PARP4: variants seen among roughly 807,000 people sequenced by gnomAD.
The protein encoded by PARP4 is poly(ADP-ribose) polymerase family member 4, also known as protein mono-ADP-ribosyltransferase PARP4.
Under a neutral mutation model 187.7 loss-of-function variants are expected in PARP4, and 120 were observed. That is an observed-to-expected ratio of 0.64 (90% confidence interval 0.55 to 0.74). The LOEUF (loss-of-function observed/expected upper bound fraction) is 0.74. Among genes scored for constraint, PARP4 ranks in the 30% least tolerant of loss-of-function variants. The pLI is 0.00. For missense variants in PARP4, 1,836 were observed against 2,070.5 expected (o/e 0.89, Z 2.20); for synonymous variants, 654 against 740.9 (o/e 0.88, Z 1.90).
chr13:24,474,324 CTCT>C (rs1441181870), intron 15 of PARP4, among the ~76,000 whole-genome samples: 2 of 141,852 alleles, frequency 1.4e-5, no homozygotes, highest in Non-Finnish European at 1.6e-5. Context: ...CAATCGTCTC[CTCT>C]ATGTGATGTG....
chr13:24,424,733 A>G (rs1869930997), intron 33 of PARP4, among the ~76,000 whole-genome samples: 1 of 143,266 alleles, frequency 7.0e-6, no homozygotes, highest in Non-Finnish European at 1.5e-5. Flanking sequence ...GTGCAGTGGC[A>G]CGATCTTGAC....
intron 33 of PARP4, among the ~76,000 whole-genome samples, chr13:24,422,632 T>TG (rs1398997539): frequency 3.3e-5 from 5 of 152,164 alleles, no homozygotes; most frequent in Admixed American, 6.5e-5. Context: ...TTTTTTTAGA[T>TG]GGAGTCTCAC....
chr13:24,473,577 G>A (rs916990895), intron 15 of PARP4, among the ~76,000 whole-genome samples: 4 of 151,896 alleles, frequency 2.6e-5, no homozygotes, highest in East Asian at 3.9e-4. Context: ...TCCCTCCTGC[G>A]CTGACTCCCA....
At chr13:24,489,461 A>G (rs1224635371) in intron 10 of PARP4, among the ~76,000 whole-genome samples, 1 of 151,982 alleles carries the variant, frequency 6.6e-6, no homozygotes, top group East Asian at 1.9e-4. Context: ...TACAAAAATT[A>G]GCCAGGCGTG....
At chr13:24,433,623 C>G (rs1234458945) in intron 31 of PARP4, among the ~76,000 whole-genome samples, 2 of 152,174 alleles carry the variant, frequency 1.3e-5, no homozygotes, top group South Asian at 2.1e-4. Flanking sequence ...TGCACTGTCT[C>G]AAGTAGGGAA....
At position 24,447,121 on chromosome 13, in the gene PARP4, T is replaced by C. The variant is rs561720463; in HGVS notation, c.3180A>G (p.Gln1060=). The change falls in exon 26 of 34, where the codon CAA becomes CAG. Residue 1060 remains glutamine (Q), a synonymous_variant. Coordinates refer to ENST00000381989, the MANE Select transcript of PARP4 (RefSeq NM_006437.4). Reference sequence around the variant, plus strand: ...GGGCCTCGGGCACATCTGGATTGAGTTGCTGCCATTTGACGGAGACAGAGT... The same window carrying C: ...GGGCCTCGGGCACATCTGGATTGAGCTGCTGCCATTTGACGGAGACAGAGT... The part of the protein sequence containing the change: ...SCHSVSVKWQ[Q]LNPDVPEALQ... The C allele has an allele frequency of 1.1e-5, 17 of 1,613,400 alleles. No homozygotes were observed. The highest frequency in any genetic ancestry group is 6.7e-5 in the African/African-American group (5 of 75,040).
intron 20 of PARP4, among the ~76,000 whole-genome samples, chr13:24,457,439 G>C (rs933794482): frequency 1.3e-5 from 2 of 152,132 alleles, no homozygotes; most frequent in Non-Finnish European, 2.9e-5. Context: ...GGCGTGAAAA[G>C]TGTCCATGCA....
At chr13:24,493,563 T>C (rs747443244) in intron 8 of PARP4, 33 bp downstream of exon 8, 12 of 1,588,352 alleles carry the variant, frequency 7.6e-6, no homozygotes, top group Admixed American at 1.9e-5. Context: ...AGGCAGATTT[T>C]TCACATTCTG....
In PARP4 at chr13:24,501,853, A is replaced by T; in HGVS notation, c.133-19T>A. ...GTGTGCACTAAGGAAAAAAAGAGTC[A>T]ATCCATTATGCATCAAGAAAAACAA... On this transcript the variant is annotated intron_variant, in intron 2 of 33. Coordinates refer to ENST00000381989, the MANE Select transcript of PARP4 (RefSeq NM_006437.4). The T allele has an allele frequency of 2.2e-6, 3 of 1,388,194 alleles. No individual in the cohort carries two copies. Among genetic ancestry groups the T allele is most frequent in the Non-Finnish European group, 3.1e-6 (3 of 980,088 alleles). 86.0% of individuals were successfully genotyped at this position (1,388,194 alleles called of 1,614,324 possible). A position where few individuals can be genotyped will look rare whatever the true frequency, so the allele number is the denominator to read the frequency against.
At chr13:24,493,815 G>A (rs1868798070) in intron 7 of PARP4, 82 bp from the exon 8 acceptor site, 5 of 1,359,582 alleles carry the variant, frequency 3.7e-6, no homozygotes, top group Admixed American at 1.8e-5. Flanking sequence ...ACGAACAGAG[G>A]TGTGAGGAGA....
At chr13:24,477,177 G>T (rs1044894579) in intron 14 of PARP4, among the ~76,000 whole-genome samples, 3 of 152,126 alleles carry the variant, frequency 2.0e-5, no homozygotes, top group Non-Finnish European at 2.9e-5. Context: ...TGTTATGTAC[G>T]CAAGATAAAA....
At chr13:24,431,251 A>T in intron 32 of PARP4, 126 bp downstream of exon 32, 1 of 589,474 alleles carries the variant, frequency 1.7e-6, no homozygotes, top group Admixed American at 3.5e-5. Context: ...ATATAATTCC[A>T]TTCGAATATA....
chr13:24,443,495 C>T (rs1871053222), intron 28 of PARP4, among the ~76,000 whole-genome samples, 155 bp downstream of exon 28: 1 of 151,084 alleles, frequency 6.6e-6, no homozygotes, highest in African/African-American at 2.4e-5. Flanking sequence ...ACACACCCCA[C>T]ATCCCAGGCA....
chr13:24,471,233 T>C (rs760963098), intron 15 of PARP4, among the ~76,000 whole-genome samples: 1 of 152,190 alleles, frequency 6.6e-6, no homozygotes. Context: ...TGCCCTGAGT[T>C]TGATGATCAG....
At position 24,434,837 on chromosome 13, in the gene PARP4, G is replaced by A. The variant is rs749567763; in HGVS notation, c.4304C>T (p.Pro1435Leu). 11 of 1,613,530 alleles carry A rather than the reference G, an allele frequency of 6.8e-6. 1 individual carries two copies. The South Asian group carries it at 1.2e-4, about 18-fold the overall frequency. ...SAGTFPELDS[P>L]QLHFSLPTDP... The stretch of plus-strand genomic sequence containing the variant: ...TGTAGGAAGAGAGAAATGAAGCTGG[G>A]GAGAATCCAGCTCAGGGAAGGTGCC... Residue 1435 changes from proline (P) to leucine (L), a missense_variant, in exon 31 of 34, where the codon CCC becomes CTC. Pro to Leu is a moderately conservative substitution (Grantham distance 98, BLOSUM62 -3). Around this residue, in one of 8 missense-constraint regions of PARP4, gnomAD observed 450 missense variants for 439.2 expected, o/e 1.02. Coordinates refer to ENST00000381989, the MANE Select transcript of PARP4 (RefSeq NM_006437.4).
chr13:24,470,608 G>A (rs557166562), intron 15 of PARP4, among the ~76,000 whole-genome samples: 3 of 152,078 alleles, frequency 2.0e-5, no homozygotes, highest in East Asian at 1.9e-4. Context: ...AGGAAAAGGC[G>A]GGAGGCTTTA....
intron 31 of PARP4, among the ~76,000 whole-genome samples, chr13:24,433,703 C>T (rs200726581): frequency 0.075 from 5,417 of 72,004 alleles, no homozygotes; most frequent in Non-Finnish European, 0.097. Flanking sequence ...TCATTATCTC[C>T]ACTATATGGA....
At chr13:24,511,084 G>A (rs531054344) in intron 1 of PARP4, among the ~76,000 whole-genome samples, 118 of 152,258 alleles carry the variant, frequency 7.7e-4, no homozygotes, top group Admixed American at 1.2e-3. Flanking sequence ...TGCCACGCCC[G>A]GCCCAGAGTA....
intron 3 of PARP4, among the ~76,000 whole-genome samples, 161 bp downstream of exon 3, chr13:24,501,471 TA>T (rs1454752354): frequency 6.6e-6 from 1 of 152,228 alleles, no homozygotes; most frequent in Non-Finnish European, 1.5e-5. Flanking sequence ...AGTGCTAAAG[TA>T]GTCTTTTGTC....
Sources: gnomAD v4.1 joint callset for allele counts (sites outside exome capture counted in the v4.1 genomes callset) on GRCh38, gnomAD v4.1.1 for gene constraint, gnomAD v4.1.1 regional missense constraint, MANE v1.5 for transcripts, NCBI Gene and HGNC (gene_info 2026-07-23, HGNC 2026-07-21) for gene names.